Variants in FAM78A observed in about 807,000 individuals in gnomAD.
FAM78A encodes the protein protein FAM78A.
In FAM78A, 12 loss-of-function variants were observed where a neutral mutation model predicts 22.6. The observed-to-expected ratio is 0.53, with a 90% CI of 0.34 to 0.86. FAM78A has a LOEUF of 0.86. Ranked by LOEUF, FAM78A falls within the 40% of genes least tolerant of loss-of-function variation. The probability of loss-of-function intolerance (pLI) is 0.02; values close to 1 mark genes in which losing one functional copy is unlikely to be tolerated. For synonymous variants in FAM78A, 151 were observed against 155.8 expected, an observed-to-expected ratio of 0.97 and a Z score of 0.23; for missense variants, 322 against 396.1, an observed-to-expected ratio of 0.81 and a Z score of 1.59.
intron 1 of FAM78A, among the ~76,000 whole-genome samples, chr9:131,271,630 T>C: frequency 6.6e-6 from 1 of 152,120 alleles, no homozygotes; most frequent in Non-Finnish European, 1.5e-5. Context: ...TCTGAGCTGC[T>C]CCCCCTCCTC....
chr9:131,280,678 T>A (rs772424325), upstream of FAM78A, among the ~76,000 whole-genome samples: 5 of 152,110 alleles, frequency 3.3e-5, no homozygotes, highest in African/African-American at 4.8e-5. Flanking sequence ...CCCAGAGAAG[T>A]CATGAAAACC....
At chr9:131,270,523 C>G in intron 1 of FAM78A, 1 of 715,410 alleles carries the variant, frequency 1.4e-6, no homozygotes, top group Non-Finnish European at 2.6e-6. Context: ...ATCCCTTGGC[C>G]AGGGCTGGTC....
chr9:131,280,953 G>A (rs1257611294), upstream of FAM78A, among the ~76,000 whole-genome samples: 1 of 152,174 alleles, frequency 6.6e-6, no homozygotes, highest in Non-Finnish European at 1.5e-5. Flanking sequence ...AGGGAGGGGT[G>A]GATGGAACCA....
upstream of FAM78A, among the ~76,000 whole-genome samples, chr9:131,278,122 G>A (rs1230078178): frequency 6.8e-6 from 1 of 147,422 alleles, no homozygotes; most frequent in Non-Finnish European, 1.5e-5. Context: ...CCCGCACACA[G>A]CCCGCCCTCC....
Position 131,261,835 on chromosome 9 carries a change from G to A in FAM78A, c.324-485C>T, listed in dbSNP as rs969163217. 3.3e-5 allele frequency among the ~76,000 whole-genome samples: 5 copies of A among 152,286 alleles called. No individual in the cohort carries two copies. Among genetic ancestry groups the A allele is most frequent in the Admixed American group, 3.3e-4 (5 of 15,292 alleles). On this transcript the variant is annotated intron_variant, in intron 1 of 1. Transcript: ENST00000372271. This position sits in a 1 kb window ranked among gnomAD's most constrained non-coding sequence, Gnocchi z 7.1. ...TGGGACCCCGGCGCATTTCCACCAAGGCACCTGTAACAGGGAAGCTCAGGA... is the reference window on the plus strand; with the variant it reads ...TGGGACCCCGGCGCATTTCCACCAAAGCACCTGTAACAGGGAAGCTCAGGA...
chr9:131,276,115 C>A lies in FAM78A; in HGVS notation c.65G>T (p.Gly22Val), dbSNP rs766171927. The change falls in exon 1 of 2, where the codon GGC (glycine) becomes GTC (valine). Residue 22 changes from glycine to valine, a missense_variant. Coordinates refer to ENST00000372271, the MANE Select transcript of FAM78A (RefSeq NM_033387.4). This position sits in a 1 kb window ranked among gnomAD's most constrained non-coding sequence, Gnocchi z 4.3. Reference sequence around the variant, plus strand: ...TTTGCCTCCGATGCTCTGAATACAGCCCATGGCATACAGGAGCGCTCTGAT... The same window carrying A: ...TTTGCCTCCGATGCTCTGAATACAGACCATGGCATACAGGAGCGCTCTGAT... The part of the protein sequence containing the change: ...LEIRALLYAM[G>V]CIQSIGGKAR... 3.1e-5 allele frequency: 50 copies of A among 1,613,614 alleles called. No individual in the cohort carries two copies. The highest frequency in any genetic ancestry group is 1.1e-5 in the South Asian group (1 of 91,088).
At position 131,275,831 on chromosome 9, in the gene FAM78A, C is replaced by A; in HGVS notation, c.323+26G>T. The A allele has an allele frequency of 6.4e-7, 1 of 1,551,122 alleles. No individual in the cohort carries two copies. Among genetic ancestry groups the A allele is most frequent in the South Asian group, 1.2e-5 (1 of 80,944 alleles). Reference sequence around the variant, plus strand: ...AAGCTCGGCCATCCCTAGCAGTTCCCAGAGCTGGCTCTCGGCCGTACTCAC... The same window carrying A: ...AAGCTCGGCCATCCCTAGCAGTTCCAAGAGCTGGCTCTCGGCCGTACTCAC... On this transcript the variant is annotated intron_variant, in intron 1 of 1. Coordinates refer to ENST00000372271, the MANE Select transcript of FAM78A (RefSeq NM_033387.4). The surrounding 1 kb of genome is among the most constrained non-coding windows in gnomAD (Gnocchi z 4.6).
At chr9:131,279,796 C>T (rs1835524908), upstream of FAM78A, among the ~76,000 whole-genome samples, 1 of 152,192 alleles carries the variant, frequency 6.6e-6, no homozygotes, top group African/African-American at 2.4e-5. Flanking sequence ...TTGACCTTAG[C>T]CCTAGGCAGT....
chr9:131,278,059 G>A (rs1054595815), upstream of FAM78A, among the ~76,000 whole-genome samples: 3 of 147,718 alleles, frequency 2.0e-5, no homozygotes, highest in Non-Finnish European at 4.5e-5. Flanking sequence ...GGCGGCGGCG[G>A]CGGGCGGGCG....
chr9:131,273,258 C>G (rs187128608), intron 1 of FAM78A, among the ~76,000 whole-genome samples: 2 of 152,376 alleles, frequency 1.3e-5, no homozygotes, highest in East Asian at 3.9e-4. Context: ...CCAAACGGAA[C>G]CCCGGGGGCT....
chr9:131,275,778 C>T lies in FAM78A; in HGVS notation c.323+79G>A. ...GTCTTCATGGTATCTCCACCTTCCC[C>T]CTATCCGCGGCCCCCCACCAGGCCT... On this transcript the variant is annotated intron_variant, in intron 1 of 1. Transcript: ENST00000372271. This position sits in a 1 kb window ranked among gnomAD's most constrained non-coding sequence, Gnocchi z 4.6. 1 of 1,437,442 alleles carries T rather than the reference C, an allele frequency of 7.0e-7. No individual in the cohort carries two copies. Among genetic ancestry groups the T allele is most frequent in the Non-Finnish European group, 9.4e-7 (1 of 1,068,772 alleles). 89.0% of individuals were successfully genotyped at this position (1,437,442 alleles called of 1,614,324 possible). A position where few individuals can be genotyped will look rare whatever the true frequency, so the allele number is the denominator to read the frequency against.
At chr9:131,262,163 T>TA (rs573073087) in intron 1 of FAM78A, among the ~76,000 whole-genome samples, 20 of 150,710 alleles carry the variant, frequency 1.3e-4, no homozygotes, top group East Asian at 3.9e-4. Context: ...CTGTCTCTAC[T>TA]AAAAAAAATA....
intron 1 of FAM78A, among the ~76,000 whole-genome samples, chr9:131,269,152 C>T (rs1835385366): frequency 6.6e-6 from 1 of 151,518 alleles, no homozygotes; most frequent in Non-Finnish European, 1.5e-5. Flanking sequence ...TGAAACCTAC[C>T]TCCCCATGCG....
chr9:131,271,544 T>A (rs1588200174), intron 1 of FAM78A, among the ~76,000 whole-genome samples: 1 of 151,728 alleles, frequency 6.6e-6, no homozygotes, highest in South Asian at 2.1e-4. Context: ...GGCCCAAGGG[T>A]TGGGAGCTGG....
In FAM78A at chr9:131,275,867, C is replaced by T; in HGVS notation, c.313G>A (p.Glu105Lys). 1 of 1,590,522 alleles carries T rather than the reference C, an allele frequency of 6.3e-7. No homozygotes were observed. The highest frequency in any genetic ancestry group is 8.6e-7 in the Non-Finnish European group (1 of 1,166,090). Residue 105 changes from glutamate (E) to lysine (K), a missense_variant, in exon 1 of 2, where the codon GAG becomes AAG. Physicochemically the swap from Glu to Lys is moderately conservative, Grantham distance 56. Coordinates refer to ENST00000372271, the MANE Select transcript of FAM78A (RefSeq NM_033387.4). This position sits in a 1 kb window ranked among gnomAD's most constrained non-coding sequence, Gnocchi z 4.6. ...CTCGGCCGTACTCACATGCCCTGCT[C>T]GCCGTACTGGTTGTAGAACTCCATG... ...SHMEFYNQYG[E>K]QGMSSWELPD...
At chr9:131,262,341 G>A (rs866080004) in intron 1 of FAM78A, among the ~76,000 whole-genome samples, 2 of 151,052 alleles carry the variant, frequency 1.3e-5, no homozygotes, top group Non-Finnish European at 2.9e-5. Flanking sequence ...AGCGGGGTAC[G>A]GTAGCAGATG....
chr9:131,272,851 A>G lies in FAM78A; in HGVS notation c.323+3006T>C, dbSNP rs557444268. Among the ~76,000 whole-genome samples, 22 of 152,270 alleles carry G rather than the reference A, an allele frequency of 1.4e-4. No homozygotes were observed. The East Asian group carries it at 3.9e-3, about 27-fold the overall frequency. On this transcript the variant is annotated intron_variant, in intron 1 of 1. Transcript: ENST00000372271. This position sits in a 1 kb window ranked among gnomAD's most constrained non-coding sequence, Gnocchi z 4.1. ...GAGGCTGGAGCCGGAGAATCACTTG[A>G]ACCCGGGAGGCAGAGGTTGTAGTGA...
At chr9:131,276,813 C>G (rs1395233914), upstream of FAM78A, among the ~76,000 whole-genome samples, 1 of 149,880 alleles carries the variant, frequency 6.7e-6, no homozygotes, top group Non-Finnish European at 1.5e-5. This position sits in a 1 kb window ranked among gnomAD's most constrained non-coding sequence, Gnocchi z 4.3. Context: ...GGCGCCCACT[C>G]GCGGGCGCGG....
intron 1 of FAM78A, chr9:131,270,174 C>T (rs1835399673): frequency 1.5e-6 from 1 of 678,034 alleles, no homozygotes; most frequent in Admixed American, 2.1e-5. Flanking sequence ...CCACTGCACT[C>T]CAGCCTGGGT....
Sources: gnomAD v4.1 joint callset for allele counts (sites outside exome capture counted in the v4.1 genomes callset) on GRCh38, gnomAD v4.1.1 for gene constraint, Gnocchi (gnomAD v3.1) non-coding constraint, MANE v1.5 for transcripts, NCBI Gene and HGNC (gene_info 2026-07-23, HGNC 2026-07-21) for gene names.